SLC39A12: variants seen among roughly 807,000 people sequenced by gnomAD.
SLC39A12 encodes the protein zinc transporter ZIP12.
In SLC39A12, 63 loss-of-function variants were observed where a neutral mutation model predicts 71.1. The ratio of observed to expected loss-of-function variants is 0.89; its 90% CI spans 0.72 to 1.09. The LOEUF (loss-of-function observed/expected upper bound fraction) is 1.09, where lower values mean the gene tolerates loss of function less well. Among genes scored for constraint, SLC39A12 ranks in the 50% least tolerant of loss-of-function variants. The pLI is 0.00. For synonymous variants in SLC39A12, 351 were observed against 301.3 expected (o/e 1.16, Z -1.71); for missense variants, 892 against 812.6 (o/e 1.10, Z -1.19).
intron 6 of SLC39A12, among the ~76,000 whole-genome samples, chr10:17,982,016 G>T (rs910443967): frequency 3.3e-5 from 5 of 152,104 alleles, no homozygotes; most frequent in African/African-American, 1.2e-4. Context: ...TTCCAGCCCA[G>T]TGGAAAGCAG....
intron 12 of SLC39A12, among the ~76,000 whole-genome samples, chr10:18,011,559 A>C (rs1294244958): frequency 6.6e-6 from 1 of 152,234 alleles, no homozygotes; most frequent in African/African-American, 2.4e-5. Context: ...AAAGTTATAC[A>C]TGAATTTTCA....
chr10:17,997,866 T>C (rs1456162999), intron 10 of SLC39A12, among the ~76,000 whole-genome samples: 1 of 152,198 alleles, frequency 6.6e-6, no homozygotes, highest in Non-Finnish European at 1.5e-5. Context: ...TGTTTTACCA[T>C]GGAAAACCTC....
At chr10:18,002,748 C>T (rs1055043776) in intron 11 of SLC39A12, 1 of 153,394 alleles carries the variant, frequency 6.5e-6, no homozygotes, top group Non-Finnish European at 1.4e-5. Context: ...GTTTTCTCTC[C>T]CCACAGCAGT....
At chr10:17,969,771 T>G (rs55654362) in intron 4 of SLC39A12, among the ~76,000 whole-genome samples, 1 of 152,146 alleles carries the variant, frequency 6.6e-6, no homozygotes, top group Non-Finnish European at 1.5e-5. Flanking sequence ...TCTTTTGCTG[T>G]GCAGCTTTGT....
At position 17,995,645 on chromosome 10, in the gene SLC39A12, A is replaced by T. The variant is rs1202957885; in HGVS notation, c.1534-11A>T. ...CTTATCTTTCATCAGTTATTTTTTAATTTAAAATAGAAAAGCCCAGAAGAT... is the reference window on the plus strand; with the variant it reads ...CTTATCTTTCATCAGTTATTTTTTATTTTAAAATAGAAAAGCCCAGAAGAT... On this transcript the variant is annotated splice_polypyrimidine_tract_variant and intron_variant, in intron 9 of 12. Transcript: ENST00000377369. 3.7e-6 allele frequency: 6 copies of T among 1,609,780 alleles called. No homozygotes were observed. Among genetic ancestry groups the T allele is most frequent in the Non-Finnish European group, 5.1e-6 (6 of 1,178,142 alleles).
chr10:17,987,453 T>C (rs1039619315), intron 6 of SLC39A12, 26 bp from the exon 7 acceptor site: 1 of 1,611,216 alleles, frequency 6.2e-7, no homozygotes, highest in African/African-American at 1.3e-5. Context: ...GGGCACTGAC[T>C]GTGTTTACGA....
chr10:18,016,535 G>A (rs936799055), intron 12 of SLC39A12, among the ~76,000 whole-genome samples: 11 of 152,142 alleles, frequency 7.2e-5, no homozygotes, highest in East Asian at 5.8e-4. Flanking sequence ...GTGAACAAAC[G>A]TTTTCAAATC....
intron 12 of SLC39A12, among the ~76,000 whole-genome samples, chr10:18,022,137 T>C (rs1249570948): frequency 6.6e-6 from 1 of 152,130 alleles, no homozygotes; most frequent in Non-Finnish European, 1.5e-5. Flanking sequence ...AGGGTGCTCT[T>C]CTCTGAATTT....
intron 12 of SLC39A12, among the ~76,000 whole-genome samples, chr10:18,029,959 TG>T (rs1836790168): frequency 6.6e-6 from 1 of 151,640 alleles, no homozygotes; most frequent in African/African-American, 2.4e-5. Context: ...GTTTGAGTTT[TG>T]GCATTTCGTA....
chr10:17,956,387 T>A (rs1256487383), intron 2 of SLC39A12, among the ~76,000 whole-genome samples: 1 of 147,442 alleles, frequency 6.8e-6, no homozygotes, highest in Non-Finnish European at 1.5e-5. Context: ...ATGTACTTCT[T>A]AGGAATCAGA....
intron 2 of SLC39A12, 99 bp from the exon 3 acceptor site, chr10:17,961,482 T>A: frequency 8.4e-7 from 1 of 1,185,944 alleles, no homozygotes; most frequent in African/African-American, 1.5e-5. Context: ...TTTCTGTTTA[T>A]AAAATGATAA....
intron 4 of SLC39A12, among the ~76,000 whole-genome samples, chr10:17,968,086 T>A (rs896388507): frequency 2.6e-5 from 4 of 150,992 alleles, no homozygotes; most frequent in Non-Finnish European, 4.4e-5. Context: ...TGTATACATG[T>A]GTGTTTCTAA....
chr10:17,977,415 G>T (rs1283750119), intron 4 of SLC39A12, among the ~76,000 whole-genome samples: 1 of 151,134 alleles, frequency 6.6e-6, no homozygotes, highest in African/African-American at 2.4e-5. Context: ...TTACTGTTAT[G>T]TTTATTTCTT....
At chr10:17,954,662 G>T (rs1834493250) in intron 2 of SLC39A12, among the ~76,000 whole-genome samples, 1 of 151,846 alleles carries the variant, frequency 6.6e-6, no homozygotes, top group African/African-American at 2.4e-5. Context: ...GACTACAAAA[G>T]AAAAAATAAA....
chr10:17,969,500 A>G (rs78159125), intron 4 of SLC39A12, among the ~76,000 whole-genome samples: 11,550 of 152,142 alleles, frequency 0.076, 464 homozygotes, highest in South Asian at 0.1. Context: ...GGGTGAGGTT[A>G]TATTTCATTG....
At chr10:18,008,178 G>A (rs1233835608) in intron 12 of SLC39A12, among the ~76,000 whole-genome samples, 1 of 152,178 alleles carries the variant, frequency 6.6e-6, no homozygotes, top group South Asian at 2.1e-4. Flanking sequence ...GAGGTGAGCG[G>A]CAGGTGAGCA....
chr10:18,005,055 C>T (rs1451692948), intron 12 of SLC39A12, among the ~76,000 whole-genome samples: 5 of 145,712 alleles, frequency 3.4e-5, no homozygotes, highest in African/African-American at 1.0e-4. Flanking sequence ...ACGGGAACAA[C>T]ACACACTGGG....
Position 17,981,320 on chromosome 10 carries a change from C to G in SLC39A12, c.933C>G (p.Phe311Leu). The G allele has an allele frequency of 6.2e-7, 1 of 1,607,650 alleles. No homozygotes were observed. Among genetic ancestry groups the G allele is most frequent in the Non-Finnish European group, 8.5e-7 (1 of 1,176,332 alleles). Residue 311 changes from phenylalanine (F) to leucine (L), a missense_variant, in exon 6 of 13, where the codon TTC becomes TTG. By Grantham distance (22) the Phe-to-Leu change is conservative. Coordinates refer to ENST00000377369, the MANE Select transcript of SLC39A12 (RefSeq NM_001145195.2). ...ATGTTTTCCTCACACAGACCTGCTT[C>G]TCTGCTAGGCAGCTGGTGGAGATAT... is the stretch of plus-strand genomic sequence containing the variant. Reference protein sequence around the residue: ...DGPVSWDQTCFSARQLVEIFL... With the variant: ...DGPVSWDQTCLSARQLVEIFL...
At chr10:17,988,105 C>T (rs11011919) in intron 7 of SLC39A12, among the ~76,000 whole-genome samples, 46,818 of 152,002 alleles carry the variant, frequency 0.31, 8,319 homozygotes, top group Non-Finnish European at 0.4. Flanking sequence ...ATCAGGAGTT[C>T]GAGACCAGCC....
Sources: gnomAD v4.1 joint callset for allele counts (sites outside exome capture counted in the v4.1 genomes callset) on GRCh38, gnomAD v4.1.1 for gene constraint, MANE v1.5 for transcripts, NCBI Gene and HGNC (gene_info 2026-07-23, HGNC 2026-07-21) for gene names.